OXR1: variants seen among roughly 807,000 people sequenced by gnomAD.
OXR1 encodes oxidation resistance protein 1.
A neutral mutation model predicts 104.6 loss-of-function variants in OXR1; 41 were observed. That is an observed-to-expected ratio of 0.39 (90% CI 0.31 to 0.51). The LOEUF (loss-of-function observed/expected upper bound fraction) is 0.51, where lower values mean the gene tolerates loss of function less well. Ranked by LOEUF, OXR1 falls within the 20% of genes least tolerant of loss-of-function variation. OXR1 has a pLI of 0.77. For synonymous variants in OXR1, 348 were observed against 348.4 expected (o/e 1.00, Z 0.01); for missense variants, 955 against 1,031.9 (o/e 0.93, Z 1.02).
intron 3 of OXR1, among the ~76,000 whole-genome samples, chr8:106,595,152 T>A (rs1392009364): frequency 6.6e-6 from 1 of 152,204 alleles, no homozygotes; most frequent in African/African-American, 2.4e-5. Context: ...CAACTTCTGT[T>A]CTCTAGACTC....
intron 2 of OXR1, among the ~76,000 whole-genome samples, chr8:106,443,789 A>G (rs909011876): frequency 3.9e-5 from 6 of 152,178 alleles, no homozygotes; most frequent in Non-Finnish European, 7.4e-5. Context: ...ATGGGCAAAG[A>G]CTTCATGACA....
intron 2 of OXR1, among the ~76,000 whole-genome samples, chr8:106,384,888 T>A (rs769901576): frequency 4.6e-5 from 7 of 151,926 alleles, no homozygotes; most frequent in Admixed American, 1.3e-4. Flanking sequence ...CTAATTTTCA[T>A]ATTGTTAGTA....
intron 3 of OXR1, among the ~76,000 whole-genome samples, chr8:106,670,640 A>T (rs1826845390): frequency 6.6e-6 from 1 of 152,272 alleles, no homozygotes; most frequent in East Asian, 1.9e-4. Flanking sequence ...AGATGGATTT[A>T]GCAGCAAATT....
chr8:106,605,631 C>A (rs1163811410), intron 3 of OXR1, among the ~76,000 whole-genome samples: 1 of 81,824 alleles, frequency 1.2e-5, no homozygotes, highest in African/African-American at 7.1e-5. Context: ...CCCGTCTCTA[C>A]TAAAAAAAAA....
In OXR1 at chr8:106,427,211, G is replaced by A. The variant is rs554823537; in HGVS notation, c.23+67575G>A. Among the ~76,000 whole-genome samples, 58 of 152,026 alleles carry A rather than the reference G, an allele frequency of 3.8e-4. 1 individual carries two copies. In the Middle Eastern group the frequency reaches 0.014, roughly 36 times the overall value. The stretch of plus-strand genomic sequence containing the variant: ...TTTTGAGATGGAGTCTTGCTCTGTC[G>A]CCCAGGCTGGAGTGCAGTGGCCTGA... On this transcript the variant is annotated intron_variant, in intron 2 of 16. Coordinates refer to ENST00000517566, the MANE Select transcript of OXR1 (RefSeq NM_001198533.2).
intron 11 of OXR1, among the ~76,000 whole-genome samples, chr8:106,715,867 C>CCTT (rs1219109119): frequency 1.3e-5 from 2 of 152,054 alleles, no homozygotes; most frequent in African/African-American, 4.8e-5. Context: ...AGTCCTTTGA[C>CCTT]CGGAATTGGT....
intron 9 of OXR1, 103 bp downstream of exon 9, chr8:106,707,248 A>G: frequency 2.1e-6 from 2 of 930,602 alleles, no homozygotes; most frequent in Non-Finnish European, 3.5e-6. Flanking sequence ...AACCTGAAGG[A>G]TAAGTGAGTG....
intron 7 of OXR1, among the ~76,000 whole-genome samples, chr8:106,695,343 A>G (rs1829901474): frequency 6.6e-6 from 1 of 150,836 alleles, no homozygotes; most frequent in African/African-American, 2.4e-5. Flanking sequence ...AAATTCTTTC[A>G]GTGTTTATTT....
At chr8:106,740,660 A>G (rs1834843895) in intron 14 of OXR1, among the ~76,000 whole-genome samples, 165 bp downstream of exon 14, 2 of 152,180 alleles carry the variant, frequency 1.3e-5, no homozygotes, top group African/African-American at 4.8e-5. Flanking sequence ...TACAGAGGAT[A>G]GATATGAGCA....
chr8:106,367,214 A>G (rs75638125), intron 2 of OXR1, among the ~76,000 whole-genome samples: 5,041 of 151,946 alleles, frequency 0.033, 128 homozygotes, highest in East Asian at 0.069. Flanking sequence ...GGTGCGTGCC[A>G]CCATGCCCGG....
chr8:106,715,868 C>T (rs1277403783), intron 11 of OXR1, among the ~76,000 whole-genome samples: 6 of 151,894 alleles, frequency 4.0e-5, no homozygotes, highest in Non-Finnish European at 8.8e-5. Flanking sequence ...GTCCTTTGAC[C>T]GGAATTGGTG....
intron 2 of OXR1, among the ~76,000 whole-genome samples, chr8:106,517,792 A>G (rs1812957818): frequency 6.6e-6 from 1 of 152,196 alleles, no homozygotes; most frequent in Admixed American, 6.5e-5. Context: ...TCGTATATGG[A>G]TAAGGTAGAA....
At chr8:106,328,965 A>AGG (rs1047962196) in intron 1 of OXR1, among the ~76,000 whole-genome samples, 1 of 151,924 alleles carries the variant, frequency 6.6e-6, no homozygotes, top group African/African-American at 2.4e-5. Context: ...ACCTGCTTTG[A>AGG]GGGGGTCAGG....
At chr8:106,612,018 T>C (rs1371049069) in intron 3 of OXR1, among the ~76,000 whole-genome samples, 1 of 152,188 alleles carries the variant, frequency 6.6e-6, no homozygotes, top group African/African-American at 2.4e-5. Flanking sequence ...CTGAGAGAGC[T>C]TGAATTATTT....
At chr8:106,356,310 T>G (rs1815968804) in intron 1 of OXR1, among the ~76,000 whole-genome samples, 1 of 152,132 alleles carries the variant, frequency 6.6e-6, no homozygotes, top group African/African-American at 2.4e-5. Context: ...GATTTACAAT[T>G]GCAAGTTTCC....
At chr8:106,577,600 G>A (rs1437813946) in intron 3 of OXR1, among the ~76,000 whole-genome samples, 1 of 151,876 alleles carries the variant, frequency 6.6e-6, no homozygotes, top group African/African-American at 2.4e-5. Context: ...AGGTCGGCCA[G>A]GCTGGTCTCG....
chr8:106,316,726 A>ATCTG (rs1386554891), intron 1 of OXR1, among the ~76,000 whole-genome samples: 24 of 29,218 alleles, frequency 8.2e-4, no homozygotes, highest in African/African-American at 3.6e-3. Flanking sequence ...TCATCTATCT[A>ATCTG]TCTATCTATC....
rs760605302 is a variant in OXR1, at chr8:106,684,366, ATC to A, written c.525+11_525+12del. On this transcript the variant is annotated splice_region_variant and intron_variant, in intron 6 of 16. Transcript: ENST00000517566. ...TGAATTTGATAAGACCACTGTAAGTATCTCTGCTTTGCAAAGATGGCGATGAA... is the reference window on the plus strand; with the variant it reads ...TGAATTTGATAAGACCACTGTAAGTATCTGCTTTGCAAAGATGGCGATGAA... The A allele has an allele frequency of 6.6e-6, 9 of 1,369,538 alleles. No individual in the cohort carries two copies. Among genetic ancestry groups the A allele is most frequent in the African/African-American group, 1.4e-5 (1 of 70,108 alleles). The allele number at this position is 1,369,538 out of a possible 1,614,324, so 84.8% of individuals were successfully genotyped here. A position where few individuals can be genotyped will look rare whatever the true frequency, so the allele number is the denominator to read the frequency against.
At chr8:106,514,214 G>A (rs1812721308) in intron 2 of OXR1, among the ~76,000 whole-genome samples, 1 of 151,988 alleles carries the variant, frequency 6.6e-6, no homozygotes, top group South Asian at 2.1e-4. Flanking sequence ...ACACCTATAT[G>A]TTCCATTATG....
Sources: gnomAD v4.1 joint callset for allele counts (sites outside exome capture counted in the v4.1 genomes callset) on GRCh38, gnomAD v4.1.1 for gene constraint, MANE v1.5 for transcripts, NCBI Gene and HGNC (gene_info 2026-07-23, HGNC 2026-07-21) for gene names.